Variants in PAGE2 observed in about 807,000 individuals in gnomAD.
PAGE2 encodes the protein PAGE family member 2, also known as P antigen family member 2.
A neutral mutation model predicts 7.5 loss-of-function variants in PAGE2; 6 were observed. The ratio of observed to expected loss-of-function variants is 0.80; its 90% CI spans 0.44 to 1.57. The LOEUF is 1.57. PAGE2 is among the 40% of genes most tolerant of loss of function. The pLI is 0.01. For missense variants in PAGE2, 72 were observed against 76.4 expected (o/e 0.94, Z 0.21); for synonymous variants, 22 against 25.4 (o/e 0.87, Z 0.41).
At position 55,090,288 on chromosome X, in the gene PAGE2, C is replaced by T. The variant is rs1415236837; in HGVS notation, c.84+184C>T. On this transcript the variant is annotated intron_variant, in intron 2 of 4. Coordinates refer to ENST00000374968, the MANE Select transcript of PAGE2 (RefSeq NM_207339.4). Reference sequence around the variant, plus strand: ...GTTACCTGTATGGATATGGATATTTCTCTCTCTCTCTCTATCTCTATGTAT... The same window carrying T: ...GTTACCTGTATGGATATGGATATTTTTCTCTCTCTCTCTATCTCTATGTAT... Among the ~76,000 whole-genome samples the T allele has an allele frequency of 1.9e-5, 2 of 106,242 alleles. 1 individual carries two copies. The highest frequency in any genetic ancestry group is 7.1e-5 in the African/African-American group (2 of 28,044). 92.3% of individuals were successfully genotyped at this position (106,242 alleles called of 115,157 possible). A position where few individuals can be genotyped will look rare whatever the true frequency, so the allele number is the denominator to read the frequency against.
At chrX:55,089,278 G>A (rs1936632178) in intron 1 of PAGE2, 175 bp downstream of exon 1, 1 of 111,219 alleles carries the variant, frequency 9.0e-6, no homozygotes, top group African/African-American at 3.4e-5. Context: ...TGTCCTGACT[G>A]GGCTGGGATG....
intron 1 of PAGE2, among the ~76,000 whole-genome samples, 198 bp from the exon 2 acceptor site, chrX:55,089,815 T>G (rs896142528): frequency 9.0e-6 from 1 of 111,163 alleles, no homozygotes; most frequent in African/African-American, 3.3e-5. Flanking sequence ...AGGGGATTTC[T>G]ATGCCTCTTC....
At position 55,091,661 on chromosome X, in the gene PAGE2, C is replaced by G; in HGVS notation, c.319+204C>G. Among the ~76,000 whole-genome samples the G allele has an allele frequency of 2.5e-5, 2 of 80,804 alleles. 1 individual carries two copies. The allele number at this position is 80,804 out of a possible 115,157, so 70.2% of individuals were successfully genotyped here. ...GTGGCTCATGCTTTTAATTCCAGCA[C>G]TTTGGGAGGCCGAGGCAGAAGGATC... On this transcript the variant is annotated intron_variant, in intron 4 of 4. Transcript: ENST00000374968.
rs779521469 is a variant in PAGE2 at position 55,090,118 on chromosome X, CA to C, written c.84+15del. ...GGATCTGTGATTGTGAGTCTTTTAA[CA>C]TTTGATGTTTTCTATTAACACAATT... On this transcript the variant is annotated intron_variant, in intron 2 of 4. Coordinates refer to ENST00000374968, the MANE Select transcript of PAGE2 (RefSeq NM_207339.4). 31 of 1,176,616 alleles carry C rather than the reference CA, an allele frequency of 2.6e-5. No homozygotes were observed. Among genetic ancestry groups the C allele is most frequent in the Non-Finnish European group, 3.6e-5 (31 of 868,877 alleles).
intron 2 of PAGE2, 107 bp from the exon 3 acceptor site, chrX:55,090,395 G>A: frequency 2.6e-6 from 2 of 774,110 alleles, no homozygotes; most frequent in Non-Finnish European, 3.8e-6. Flanking sequence ...GTGTGTATGT[G>A]TTTATATATG....
At chrX:55,089,443 G>A (rs1489176271) in intron 1 of PAGE2, among the ~76,000 whole-genome samples, 19 of 110,586 alleles carry the variant, frequency 1.7e-4, no homozygotes, top group Non-Finnish European at 3.2e-4. Flanking sequence ...AAGGGACCGT[G>A]TGGTCAGTAA....
At chrX:55,089,700 T>A in intron 1 of PAGE2, among the ~76,000 whole-genome samples, 1 of 110,477 alleles carries the variant, frequency 9.1e-6, no homozygotes, top group Non-Finnish European at 1.9e-5. Context: ...AGTAGTCATT[T>A]CAGTTTCAAT....
chrX:55,089,483 G>T (rs1936634567), intron 1 of PAGE2, among the ~76,000 whole-genome samples: 1 of 110,327 alleles, frequency 9.1e-6, no homozygotes, highest in Non-Finnish European at 1.9e-5. Flanking sequence ...GGAGCGCGGT[G>T]GGCTGGTGAC....
rs1936654581 is a variant in PAGE2, at chrX:55,091,393, A to C, written c.255A>C (p.Gly85=). The C allele has an allele frequency of 8.3e-7, 1 of 1,204,106 alleles. No homozygotes were observed. The change falls in exon 4 of 5, where the codon GGA becomes GGC. Residue 85 remains glycine, a synonymous_variant. Coordinates refer to ENST00000374968, the MANE Select transcript of PAGE2 (RefSeq NM_207339.4). ...LALLKIEDEP[G]DGPDVREGIM... is the part of the protein sequence containing the mutation. Reference sequence around the variant, plus strand: ...TGCTTAAGATAGAGGATGAGCCTGGAGATGGTCCTGATGTCAGGGAGGGTA... The same window carrying C: ...TGCTTAAGATAGAGGATGAGCCTGGCGATGGTCCTGATGTCAGGGAGGGTA...
Position 55,090,199 on chromosome X carries a change from CT to C in PAGE2, c.84+96del, listed in dbSNP as rs1177366266. 1.6e-5 allele frequency: 15 copies of C among 912,056 alleles called. 1 individual carries two copies. The African/African-American group carries it at 3.0e-4, about 18-fold the overall frequency. The allele number at this position is 912,056 out of a possible 1,213,427, so 75.2% of individuals were successfully genotyped here. A position where few individuals can be genotyped will look rare whatever the true frequency, so the allele number is the denominator to read the frequency against. On this transcript the variant is annotated intron_variant, in intron 2 of 4. Coordinates refer to ENST00000374968, the MANE Select transcript of PAGE2 (RefSeq NM_207339.4). ...CATACACTGATACAGGTGTTCCATGCTGATAAAAAATGATGATGGCATCTCA... is the reference window on the plus strand; with the variant it reads ...CATACACTGATACAGGTGTTCCATGCGATAAAAAATGATGATGGCATCTCA...
chrX:55,090,220 A>C (rs749760803), intron 2 of PAGE2, 116 bp downstream of exon 2: 2 of 820,819 alleles, frequency 2.4e-6, no homozygotes, highest in Non-Finnish European at 3.4e-6. Flanking sequence ...TGATGATGGC[A>C]TCTCATGAAG....
In PAGE2 at chrX:55,089,909, T is replaced by C. The variant is rs2146474547; in HGVS notation, c.-8-104T>C. On this transcript the variant is annotated intron_variant, in intron 1 of 4. Coordinates refer to ENST00000374968, the MANE Select transcript of PAGE2 (RefSeq NM_207339.4). ...TGCTCTGTGACTTAATTTGAAAATA[T>C]TTTCAAAATTAAAAAAGTACAAATC... The C allele has an allele frequency of 1.1e-5, 7 of 621,351 alleles. No homozygotes were observed. In the East Asian group the frequency reaches 2.5e-4, roughly 23 times the overall value. 51.2% of individuals were successfully genotyped at this position (621,351 alleles called of 1,213,427 possible).
At position 55,091,448 on chromosome X, in the gene PAGE2, C is replaced by G; in HGVS notation, c.310C>G (p.Leu104Val). Reference sequence around the variant, plus strand: ...GCCCACTTTTGATCTCACTAAAGTGCTGGAAGCAGGTTTGTTATTCATTTA... The same window carrying G: ...GCCCACTTTTGATCTCACTAAAGTGGTGGAAGCAGGTTTGTTATTCATTTA... ...IMPTFDLTKV[L>V]EAGDAQP The change falls in exon 4 of 5, where the codon CTG becomes GTG. Residue 104 changes from leucine (L) to valine (V), a missense_variant. Coordinates refer to ENST00000374968, the MANE Select transcript of PAGE2 (RefSeq NM_207339.4). The G allele has an allele frequency of 8.3e-7, 1 of 1,204,932 alleles. No homozygotes were observed. Among genetic ancestry groups the G allele is most frequent in the East Asian group, 3.0e-5 (1 of 33,661 alleles).
rs1936630474 is a variant in PAGE2, at chrX:55,089,121, T to C, written c.-9+18T>C. ...CTCAGCCGGTAGGTCTGCAGAACGGTGTTACTGGGAATTTAGTTGTGAGAG... is the reference window on the plus strand; with the variant it reads ...CTCAGCCGGTAGGTCTGCAGAACGGCGTTACTGGGAATTTAGTTGTGAGAG... On this transcript the variant is annotated intron_variant, in intron 1 of 4. Coordinates refer to ENST00000374968, the MANE Select transcript of PAGE2 (RefSeq NM_207339.4). 9.0e-6 allele frequency: 1 copy of C among 111,381 alleles called. No homozygotes were observed. Among genetic ancestry groups the C allele is most frequent in the South Asian group, 3.6e-4 (1 of 2,740 alleles). 9.2% of individuals were successfully genotyped at this position (111,381 alleles called of 1,213,427 possible).
intron 1 of PAGE2, among the ~76,000 whole-genome samples, chrX:55,089,765 C>A (rs999219654): frequency 9.1e-6 from 1 of 110,160 alleles, no homozygotes; most frequent in Non-Finnish European, 1.9e-5. Flanking sequence ...ATTGTGAAAC[C>A]AAAACGCAGA....
At position 55,091,319 on chromosome X, in the gene PAGE2, T is replaced by A; in HGVS notation, c.194-13T>A. 9 of 1,206,051 alleles carry A rather than the reference T, an allele frequency of 7.5e-6. No individual in the cohort carries two copies. The highest frequency in any genetic ancestry group is 1.0e-5 in the Non-Finnish European group (9 of 894,046). Reference sequence around the variant, plus strand: ...TTTTAATTTGTAAATTGATGACCTTTTTATCTTTTAAGGGCCTGACATGGA... The same window carrying A: ...TTTTAATTTGTAAATTGATGACCTTATTATCTTTTAAGGGCCTGACATGGA... On this transcript the variant is annotated splice_polypyrimidine_tract_variant and intron_variant, in intron 3 of 4. Coordinates refer to ENST00000374968, the MANE Select transcript of PAGE2 (RefSeq NM_207339.4).
In PAGE2 at chrX:55,090,547, A is replaced by G; in HGVS notation, c.130A>G (p.Thr44Ala). 1 of 1,206,751 alleles carries G rather than the reference A, an allele frequency of 8.3e-7. No individual in the cohort carries two copies. The highest frequency in any genetic ancestry group is 1.1e-6 in the Non-Finnish European group (1 of 893,885). The stretch of plus-strand genomic sequence containing the variant: ...AAAACGTCAAGAAGAGGAACCACCA[A>G]CTGATAATCAGGGTATTGCACCTAG... ...EEKRQEEEPP[T>A]DNQGIAPSGE... Residue 44 changes from threonine to alanine, a missense_variant, in exon 3 of 5, where the codon ACT (threonine) becomes GCT (alanine). Transcript: ENST00000374968.
chrX:55,090,362 C>T, intron 2 of PAGE2, 140 bp from the exon 3 acceptor site: 1 of 612,095 alleles, frequency 1.6e-6, no homozygotes, highest in Non-Finnish European at 2.6e-6. Flanking sequence ...ATCTATCTAT[C>T]TATCATCTAT....
rs200927296 is a variant in PAGE2, at chrX:55,090,036, A to G, written c.16A>G (p.Arg6Gly). MSELL[R>G]ARSQSSERGN... ...AGTGGGAAATATGAGTGAGCTTCTA[A>G]GAGCAAGATCCCAATCCTCAGAAAG... The change falls in exon 2 of 5, where the codon AGA becomes GGA. Residue 6 changes from arginine (R) to glycine (G), a missense_variant. Arg to Gly is a moderately radical substitution (Grantham distance 125). Transcript: ENST00000374968. The G allele has an allele frequency of 6.7e-5, 80 of 1,198,760 alleles. No homozygotes were observed. The highest frequency in any genetic ancestry group is 5.7e-4 in the Admixed American group (26 of 45,620).
Sources: gnomAD v4.1 joint callset for allele counts (sites outside exome capture counted in the v4.1 genomes callset) on GRCh38, gnomAD v4.1.1 for gene constraint, MANE v1.5 for transcripts, NCBI Gene and HGNC (gene_info 2026-07-23, HGNC 2026-07-21) for gene names.